Variants in NDST4 observed in about 807,000 individuals in gnomAD.
NDST4 encodes the protein N-heparan sulfate sulfotransferase 4.
A neutral mutation model predicts 100.8 loss-of-function variants in NDST4; 63 were observed. That is an observed-to-expected ratio of 0.62 (90% CI 0.51 to 0.77). NDST4 has a LOEUF of 0.77. Among genes scored for constraint, NDST4 ranks in the 30% least tolerant of loss-of-function variants. The pLI is 0.00. For synonymous variants in NDST4, 377 were observed against 361.8 expected, an observed-to-expected ratio of 1.04 and a Z score of -0.48; for missense variants, 943 against 1,018.4, an observed-to-expected ratio of 0.93 and a Z score of 1.01.
At chr4:114,962,880 A>G (rs577730218) in intron 4 of NDST4, among the ~76,000 whole-genome samples, 61 of 152,206 alleles carry the variant, frequency 4.0e-4, no homozygotes, top group African/African-American at 1.4e-3. Flanking sequence ...GAACCACTTC[A>G]CGCCCACTAG....
At chr4:114,834,051 C>T (rs530391076) in intron 11 of NDST4, among the ~76,000 whole-genome samples, 3 of 152,236 alleles carry the variant, frequency 2.0e-5, no homozygotes, top group East Asian at 1.9e-4. Flanking sequence ...ATCCAGCCTA[C>T]CAAATTCCTA....
intron 6 of NDST4, among the ~76,000 whole-genome samples, chr4:114,880,545 C>A (rs1245091880): frequency 1.3e-5 from 2 of 152,118 alleles, no homozygotes; most frequent in East Asian, 3.9e-4. Flanking sequence ...GCTTCACTGA[C>A]AACCTCAAAT....
intron 4 of NDST4, among the ~76,000 whole-genome samples, chr4:114,949,060 T>A (rs1041491887): frequency 2.0e-5 from 3 of 151,992 alleles, no homozygotes; most frequent in Admixed American, 6.6e-5. Flanking sequence ...TTTAATTATT[T>A]CACAGTCATT....
At chr4:115,062,894 T>G (rs1195838833) in intron 2 of NDST4, among the ~76,000 whole-genome samples, 2 of 151,888 alleles carry the variant, frequency 1.3e-5, no homozygotes, top group African/African-American at 2.4e-5. Context: ...AAAAGCAATT[T>G]GAAGAAAATG....
intron 2 of NDST4, among the ~76,000 whole-genome samples, chr4:114,981,886 A>T (rs1343591525): frequency 6.6e-6 from 1 of 152,014 alleles, no homozygotes; most frequent in Non-Finnish European, 1.5e-5. Flanking sequence ...TGTAATCCCC[A>T]CATGTTGAAG....
intron 7 of NDST4, among the ~76,000 whole-genome samples, chr4:114,853,717 A>G (rs937203738): frequency 2.6e-5 from 4 of 152,198 alleles, no homozygotes; most frequent in African/African-American, 9.6e-5. Context: ...TTCTATTTTT[A>G]TATTTATTAT....
At chr4:115,101,369 A>G (rs482641) in intron 1 of NDST4, among the ~76,000 whole-genome samples, 117,270 of 151,864 alleles carry the variant, frequency 0.77, 45,946 homozygotes, top group African/African-American at 0.89. Flanking sequence ...ATAGAAATGG[A>G]ATTTAAATTC....
chr4:115,005,444 A>G (rs376562426), intron 2 of NDST4, among the ~76,000 whole-genome samples: 3 of 152,168 alleles, frequency 2.0e-5, no homozygotes, highest in African/African-American at 4.8e-5. Context: ...ATATGGCAGA[A>G]GTGGCAAGCA....
chr4:114,923,305 G>A (rs1185052258), intron 6 of NDST4, among the ~76,000 whole-genome samples: 11 of 152,058 alleles, frequency 7.2e-5, no homozygotes, highest in Admixed American at 7.2e-4. Context: ...GGAATAACCA[G>A]AGGGACATAA....
intron 7 of NDST4, among the ~76,000 whole-genome samples, chr4:114,869,236 T>C (rs1168616156): frequency 6.6e-6 from 1 of 151,680 alleles, no homozygotes; most frequent in Non-Finnish European, 1.5e-5. Context: ...TATCAAGAAA[T>C]TTAGTTCATC....
rs180787773 is a variant in NDST4 at position 114,853,474 on chromosome 4, T to A, written c.1720-653A>T. Among the ~76,000 whole-genome samples the A allele has an allele frequency of 1.3e-4, 20 of 152,232 alleles. 1 individual carries two copies. The highest frequency in any genetic ancestry group is 3.4e-3 in the Middle Eastern group (1 of 294). On this transcript the variant is annotated intron_variant, in intron 7 of 13. Transcript: ENST00000264363. ...AATATTATGCCCATCTAACCTACACTTCCAGTGCCAGTTTTTATTTCATTC... is the reference window on the plus strand; with the variant it reads ...AATATTATGCCCATCTAACCTACACATCCAGTGCCAGTTTTTATTTCATTC...
chr4:114,929,113 C>CATCCATCCATCCATCCATCCATCT (rs1578395038), intron 6 of NDST4, among the ~76,000 whole-genome samples: 2 of 117,392 alleles, frequency 1.7e-5, no homozygotes, highest in African/African-American at 6.2e-5. Context: ...TCCATCCATC[C>CATCCATCCATCCATCCATCCATCT]ATCTATCTAT....
intron 2 of NDST4, among the ~76,000 whole-genome samples, chr4:115,032,547 C>T (rs1425909609): frequency 6.6e-6 from 1 of 152,068 alleles, no homozygotes; most frequent in Non-Finnish European, 1.5e-5. Context: ...TTTGAAAGAA[C>T]TGAGCATTTT....
intron 6 of NDST4, among the ~76,000 whole-genome samples, chr4:114,914,214 G>A (rs1725121368): frequency 6.6e-6 from 1 of 151,820 alleles, no homozygotes; most frequent in Non-Finnish European, 1.5e-5. Context: ...GGGGAGGTGG[G>A]GATAATTAAT....
chr4:115,074,643 G>A (rs1729143965), intron 2 of NDST4, among the ~76,000 whole-genome samples: 1 of 152,012 alleles, frequency 6.6e-6, no homozygotes, highest in African/African-American at 2.4e-5. Flanking sequence ...ATTAAAAACA[G>A]AGTTCATTGG....
chr4:114,927,544 T>G lies in NDST4; in HGVS notation c.1536+7662A>C, dbSNP rs572712226. Among the ~76,000 whole-genome samples, 3 of 152,174 alleles carry G rather than the reference T, an allele frequency of 2.0e-5. 1 individual carries two copies. In the East Asian group the frequency reaches 5.8e-4, roughly 29 times the overall value. On this transcript the variant is annotated intron_variant, in intron 6 of 13. Coordinates refer to ENST00000264363, the MANE Select transcript of NDST4 (RefSeq NM_022569.3). ...CATTATTTCCTTTTAAATTTCACCC[T>G]GTTAGATTTGCTTTTTTAATTCTAA...
At chr4:114,903,808 T>A (rs189026086) in intron 6 of NDST4, among the ~76,000 whole-genome samples, 1 of 152,154 alleles carries the variant, frequency 6.6e-6, no homozygotes, top group Admixed American at 6.5e-5. Flanking sequence ...TTTTTAATAG[T>A]GAATCACTTG....
intron 4 of NDST4, among the ~76,000 whole-genome samples, chr4:114,938,240 A>C (rs1346797335): frequency 6.6e-6 from 1 of 152,222 alleles, no homozygotes; most frequent in Non-Finnish European, 1.5e-5. Context: ...TTAGATACCC[A>C]GGGTAAAGGA....
chr4:115,041,130 T>C (rs1728339961), intron 2 of NDST4, among the ~76,000 whole-genome samples: 1 of 152,062 alleles, frequency 6.6e-6, no homozygotes, highest in African/African-American at 2.4e-5. Context: ...CATAGAGGCA[T>C]TGATCATTGA....
Sources: allele counts gnomAD v4.1 joint callset (sites outside exome capture counted in the v4.1 genomes callset), GRCh38; gene constraint gnomAD v4.1.1; transcripts MANE v1.5; gene names NCBI Gene and HGNC (gene_info 2026-07-23, HGNC 2026-07-21).